GGT1: variants seen among roughly 807,000 people sequenced by gnomAD.
GGT1 encodes gamma-glutamyltransferase 1, also known as glutathione hydrolase 1 proenzyme.
In GGT1, 21 loss-of-function variants were observed where a neutral mutation model predicts 56.0. The observed-to-expected ratio is 0.38, with a 90% CI of 0.27 to 0.54. GGT1 has a LOEUF of 0.54. GGT1 is among the 20% of genes least tolerant of loss of function. The pLI is 0.82. For synonymous variants in GGT1, 238 were observed against 342.6 expected (o/e 0.69, Z 3.37); for missense variants, 466 against 787.0 (o/e 0.59, Z 4.88).
At chr22:24,605,218 T>A (rs187639402) in intron 1 of GGT1, among the ~76,000 whole-genome samples, 200 of 18,596 alleles carry the variant, frequency 0.011, 40 homozygotes, top group Admixed American at 0.019. Flanking sequence ...ATATTATATA[T>A]TATATAATAT....
upstream of GGT1, among the ~76,000 whole-genome samples, chr22:24,598,661 C>A (rs763318606): frequency 6.6e-6 from 1 of 152,076 alleles, no homozygotes; most frequent in Non-Finnish European, 1.5e-5. Context: ...TCAAGTGATC[C>A]TCCCCCCTCA....
chr22:24,601,443 A>G (rs556681149), upstream of GGT1, among the ~76,000 whole-genome samples: 118 of 152,272 alleles, frequency 7.7e-4, no homozygotes, highest in Non-Finnish European at 1.1e-3. Flanking sequence ...TCCTGGTGTC[A>G]TGGGTCACTC....
Position 24,608,001 on chromosome 22 carries a change from C to A in GGT1, c.-381C>A. Reference sequence around the variant, plus strand: ...TCTGAGGAAGAGGTGCTCTCCTGGGCCCCCACTGTCCCCAGGCCTCAGGTA... The same window carrying A: ...TCTGAGGAAGAGGTGCTCTCCTGGGACCCCACTGTCCCCAGGCCTCAGGTA... On this transcript the variant is annotated 5_prime_UTR_variant, in exon 2 of 16. Coordinates refer to ENST00000400382, the MANE Select transcript of GGT1 (RefSeq NM_001288833.2). 1 of 469,060 alleles carries A rather than the reference C, an allele frequency of 2.1e-6. No individual in the cohort carries two copies. The highest frequency in any genetic ancestry group is 4.4e-6 in the Non-Finnish European group (1 of 226,772). 29.1% of individuals were successfully genotyped at this position (469,060 alleles called of 1,614,324 possible).
At chr22:24,610,112 A>G in intron 3 of GGT1, 79 bp downstream of exon 3, 1 of 420,376 alleles carries the variant, frequency 2.4e-6, no homozygotes, top group South Asian at 1.7e-5. Flanking sequence ...GACCACATGC[A>G]CATCCTGGGC....
chr22:24,589,503 CAGGGTCCCCATA>C, the GGT1 span: 1 of 516,790 alleles, frequency 1.9e-6, no homozygotes, highest in Non-Finnish European at 2.8e-6. Flanking sequence ...CTGTGACCCG[CAGGGTCCCCATA>C]TGACTTCTGC....
At chr22:24,591,381 G>C (rs542392788), upstream of GGT1, among the ~76,000 whole-genome samples, 35 of 152,360 alleles carry the variant, frequency 2.3e-4, no homozygotes, top group African/African-American at 7.7e-4. Context: ...ATCTGGCCCA[G>C]AGGGTCTCTT....
chr22:24,610,388 C>G lies in GGT1; in HGVS notation c.-151C>G. 5.0e-6 allele frequency: 1 copy of G among 200,418 alleles called. No individual in the cohort carries two copies. Among genetic ancestry groups the G allele is most frequent in the Non-Finnish European group, 1.0e-5 (1 of 97,490 alleles). 12.4% of individuals were successfully genotyped at this position (200,418 alleles called of 1,614,324 possible). A position where few individuals can be genotyped will look rare whatever the true frequency, so the allele number is the denominator to read the frequency against. On this transcript the variant is annotated 5_prime_UTR_variant, in exon 4 of 16. Coordinates refer to ENST00000400382, the MANE Select transcript of GGT1 (RefSeq NM_001288833.2). ...CGAGAAGGCTGCCTGATCAGAGAGT[C>G]CCTGAAGAAGATTCTGTGGCTACAG... is the stretch of plus-strand genomic sequence containing the variant.
rs554125940 is a variant in GGT1 at position 24,614,788 on chromosome 22, G to T, written c.177G>T (p.Arg59=). The change falls in exon 6 of 16, where the codon CGG becomes CGT. Residue 59 remains arginine (R), a synonymous_variant. Coordinates refer to ENST00000400382, the MANE Select transcript of GGT1 (RefSeq NM_001288833.2). ...QCSKIGRDAL[R]DGGSAVDAAI... ...TGCCACATGGCAGGGATGCACTGCGGGACGGTGGCTCTGCGGTGGATGCAG... is the reference window on the plus strand; with the variant it reads ...TGCCACATGGCAGGGATGCACTGCGTGACGGTGGCTCTGCGGTGGATGCAG... The T allele has an allele frequency of 6.2e-7, 1 of 1,613,718 alleles. No homozygotes were observed. The highest frequency in any genetic ancestry group is 1.7e-5 in the Admixed American group (1 of 60,014).
upstream of GGT1, chr22:24,592,872 GA>G: frequency 1.6e-6 from 2 of 1,284,558 alleles, no homozygotes; most frequent in Non-Finnish European, 2.0e-6. Context: ...CCTGGCGCAG[GA>G]GGCGCAGCAG....
chr22:24,588,989 T>G, the GGT1 span: 1 of 1,010,886 alleles, frequency 9.9e-7, no homozygotes. Context: ...AGTCCCTCTG[T>G]GAGCAGCCCC....
chr22:24,593,180 C>A (rs57883872), upstream of GGT1: 7,379 of 880,034 alleles, frequency 8.4e-3, 431 homozygotes, highest in African/African-American at 0.12. Flanking sequence ...CGCCCCACCC[C>A]GCGCCGGAGC....
At position 24,627,501 on chromosome 22, in the gene GGT1, C is replaced by T. The variant is rs2047869065; in HGVS notation, c.1090C>T (p.His364Tyr). The change falls in exon 12 of 16, where the codon CAC (histidine) becomes TAC (tyrosine). Residue 364 changes from histidine to tyrosine, a missense_variant. This residue lies in a region of GGT1 where 456 missense variants were observed against 716.7 expected (regional missense o/e 0.64). Coordinates refer to ENST00000400382, the MANE Select transcript of GGT1 (RefSeq NM_001288833.2). Reference sequence around the variant, plus strand: ...GGCCCAGATCTCTGACGACACCACTCACCCGATCTCCTACTACAAGCCCGA... The same window carrying T: ...GGCCCAGATCTCTGACGACACCACTTACCCGATCTCCTACTACAAGCCCGA... ...LRAQISDDTT[H>Y]PISYYKPEFY... 1.9e-6 allele frequency: 3 copies of T among 1,590,748 alleles called. No individual in the cohort carries two copies.
At chr22:24,602,651 C>T (rs2330804), upstream of GGT1, among the ~76,000 whole-genome samples, 10 of 152,252 alleles carry the variant, frequency 6.6e-5, no homozygotes, top group East Asian at 1.7e-3. Flanking sequence ...AATTGGGGGT[C>T]AAGGAAGGAC....
intron 7 of GGT1, among the ~76,000 whole-genome samples, chr22:24,615,494 T>C (rs1448613158): frequency 4.6e-5 from 7 of 152,186 alleles, no homozygotes; most frequent in African/African-American, 7.2e-5. Context: ...GGGGATGCTG[T>C]GTGGATTCCC....
At position 24,620,953 on chromosome 22, in the gene GGT1, G is replaced by C. The variant is rs746833558; in HGVS notation, c.616G>C (p.Glu206Gln). 22 of 1,611,878 alleles carry C rather than the reference G, an allele frequency of 1.4e-5. No individual in the cohort carries two copies. Among genetic ancestry groups the C allele is most frequent in the East Asian group, 1.3e-4 (6 of 44,892 alleles). ...GGATAGAAAGGTGCTTCGGGAGGGGGAGAGACTGACCCTGCCGCAGCTGGC... is the reference window on the plus strand; with the variant it reads ...GGATAGAAAGGTGCTTCGGGAGGGGCAGAGACTGACCCTGCCGCAGCTGGC... The part of the protein sequence containing the change: ...CRDRKVLREG[E>Q]RLTLPQLADT... Residue 206 changes from glutamate (E) to glutamine (Q), a missense_variant, in exon 9 of 16, where the codon GAG (glutamate) becomes CAG (glutamine). By Grantham distance (29) the Glu-to-Gln change is conservative. Coordinates refer to ENST00000400382, the MANE Select transcript of GGT1 (RefSeq NM_001288833.2). This position sits in a 1 kb window ranked among gnomAD's most constrained non-coding sequence, Gnocchi z 5.6.
intron 5 of GGT1, among the ~76,000 whole-genome samples, chr22:24,612,002 T>G (rs1024557328): frequency 3.3e-5 from 5 of 152,118 alleles, no homozygotes; most frequent in African/African-American, 1.2e-4. Context: ...AGACAGGGTT[T>G]TGCTATGTTG....
intron 1 of GGT1, among the ~76,000 whole-genome samples, chr22:24,604,601 A>G (rs1395383770): frequency 6.6e-6 from 1 of 151,988 alleles, no homozygotes; most frequent in Admixed American, 6.6e-5. Flanking sequence ...TCACTACCTT[A>G]TGTGCCCAGG....
chr22:24,596,914 CAAAAAAAAAAAAAAA>C (rs78452000), intron 1 of GGT1, among the ~76,000 whole-genome samples: 2 of 63,026 alleles, frequency 3.2e-5, no homozygotes, highest in African/African-American at 6.1e-5. Context: ...GACTCTGTCT[CAAAAAAAAAAAAAAA>C]AAAAAAAGAA....
chr22:24,588,964 C>A, the GGT1 span: 1 of 1,009,374 alleles, frequency 9.9e-7, no homozygotes. Context: ...GCATGCTCCA[C>A]TGCATCCTTT....
Sources: allele counts gnomAD v4.1 joint callset (sites outside exome capture counted in the v4.1 genomes callset), GRCh38; gene constraint gnomAD v4.1.1; regional missense constraint gnomAD v4.1.1; non-coding constraint Gnocchi (gnomAD v3.1); transcripts MANE v1.5; gene names NCBI Gene and HGNC (gene_info 2026-07-23, HGNC 2026-07-21).